CCDC30: variants seen among roughly 807,000 people sequenced by gnomAD.
CCDC30 encodes coiled-coil domain containing 30, also known as coiled-coil domain-containing protein 30.
A neutral mutation model predicts 100.2 loss-of-function variants in CCDC30; 70 were observed. The ratio of observed to expected loss-of-function variants is 0.70; its 90% CI spans 0.58 to 0.85. The LOEUF is 0.85. CCDC30 is among the 40% of genes least tolerant of loss of function. The probability of loss-of-function intolerance (pLI) is 0.00; values close to 1 mark genes in which losing one functional copy is unlikely to be tolerated. For synonymous variants in CCDC30, 233 were observed against 269.5 expected (o/e 0.86, Z 1.33); for missense variants, 652 against 771.2 (o/e 0.85, Z 1.83).
intron 2 of CCDC30, 113 bp downstream of exon 2, chr1:42,480,679 C>G: frequency 1.1e-6 from 1 of 928,196 alleles, no homozygotes; most frequent in Middle Eastern, 5.5e-4. Context: ...ATCCACCAGT[C>G]TCTACAAAGA....
chr1:42,515,298 C>A (rs1644538432), intron 6 of CCDC30, among the ~76,000 whole-genome samples: 1 of 151,986 alleles, frequency 6.6e-6, no homozygotes. Context: ...GGAATATGGC[C>A]CTACTAATAC....
chr1:42,584,517 C>G (rs1330435948), intron 9 of CCDC30, among the ~76,000 whole-genome samples: 1 of 152,112 alleles, frequency 6.6e-6, no homozygotes, highest in African/African-American at 2.4e-5. Context: ...TGCTTAAACC[C>G]AGGAGGCAGA....
intron 6 of CCDC30, among the ~76,000 whole-genome samples, chr1:42,522,987 A>G (rs1001686210): frequency 6.6e-6 from 1 of 151,736 alleles, no homozygotes; most frequent in African/African-American, 2.4e-5. Flanking sequence ...ACACCACTAC[A>G]CCTGGCTAAT....
Position 42,561,773 on chromosome 1 carries a change from A to G in CCDC30, c.457-4523A>G, listed in dbSNP as rs568899180. Among the ~76,000 whole-genome samples the G allele has an allele frequency of 1.4e-4, 21 of 152,360 alleles. 1 individual carries two copies. The highest frequency in any genetic ancestry group is 1.5e-5 in the Non-Finnish European group (1 of 68,034). On this transcript the variant is annotated intron_variant, in intron 6 of 16. Transcript: ENST00000668663. The stretch of plus-strand genomic sequence containing the variant: ...AGCAAAGTCTCAGCATACAAAATCA[A>G]TGTGCAAAAACCACAAGTATTCCTT...
At chr1:42,589,761 C>T in intron 10 of CCDC30, 1 of 243,448 alleles carries the variant, frequency 4.1e-6, no homozygotes, top group Non-Finnish European at 7.8e-6. Context: ...GAAGCCACCT[C>T]CTGCAGCGTC....
chr1:42,641,379 C>A lies in CCDC30; in HGVS notation c.1420-1094C>A, dbSNP rs1232808986. ...AGGTGTGAGCCATGGCACCAGGCAT[C>A]TGACTCTACAAAAAATTTAAAAATT... On this transcript the variant is annotated intron_variant, in intron 12 of 16. Coordinates refer to ENST00000668663, the Ensembl canonical transcript of CCDC30. Among the ~76,000 whole-genome samples, 4 of 151,956 alleles carry A rather than the reference C, an allele frequency of 2.6e-5. No homozygotes were observed. The East Asian group carries it at 7.8e-4, about 30-fold the overall frequency.
intron 6 of CCDC30, chr1:42,500,251 G>T (rs534714840): frequency 1.2e-6 from 2 of 1,608,980 alleles, no homozygotes; most frequent in East Asian, 4.5e-5. Context: ...TTCTTTGGAA[G>T]GCAGTGGATT....
intron 6 of CCDC30, among the ~76,000 whole-genome samples, chr1:42,541,991 A>G (rs1018973772): frequency 1.3e-5 from 2 of 152,244 alleles, no homozygotes; most frequent in Non-Finnish European, 2.9e-5. Context: ...GCCAAGTTAC[A>G]TGGTGATTCT....
intron 7 of CCDC30, among the ~76,000 whole-genome samples, chr1:42,567,006 C>T (rs1292185500): frequency 6.6e-6 from 1 of 152,110 alleles, no homozygotes. Flanking sequence ...AATTAACCTC[C>T]GTGTAAAATA....
rs186096023 is a variant in CCDC30 at position 42,559,476 on chromosome 1, A to G, written c.457-6820A>G. On this transcript the variant is annotated intron_variant, in intron 6 of 16. Coordinates refer to ENST00000668663, the Ensembl canonical transcript of CCDC30. ...ATACAAAGCAAATGGAAAGCAAAAA[A>G]AAGCAGGGGTTGCAATCCTAGTCTC... 3.0e-3 allele frequency among the ~76,000 whole-genome samples: 463 copies of G among 152,312 alleles called. 7 individuals carry two copies. The highest frequency in any genetic ancestry group is 0.011 in the African/African-American group (439 of 41,580).
At chr1:42,637,138 T>A (rs1212429903) in intron 11 of CCDC30, 99 bp from the exon 16 acceptor site, 1 of 943,910 alleles carries the variant, frequency 1.1e-6, no homozygotes, top group Non-Finnish European at 1.6e-6. Flanking sequence ...GTTCCCTGAC[T>A]TAAGCAAGAA....
rs537669207 is a variant in CCDC30 at position 42,465,244 on chromosome 1, G to C, written c.-92+1346G>C. ...GAGGATCACTTGATCCTGGGAGATC[G>C]AGGCTGCAGTGAGCTATGATCGCAC... On this transcript the variant is annotated intron_variant, in intron 1 of 16. Transcript: ENST00000668663. 9.2e-5 allele frequency among the ~76,000 whole-genome samples: 14 copies of C among 152,304 alleles called. 1 individual carries two copies. Among genetic ancestry groups the C allele is most frequent in the African/African-American group, 3.4e-4 (14 of 41,572 alleles).
At chr1:42,467,048 G>C (rs995877083) in intron 1 of CCDC30, among the ~76,000 whole-genome samples, 1 of 152,176 alleles carries the variant, frequency 6.6e-6, no homozygotes, top group Non-Finnish European at 1.5e-5. Context: ...AGAGTGACCT[G>C]AATGTCAAAA....
At chr1:42,577,875 C>G (rs865997810) in intron 8 of CCDC30, among the ~76,000 whole-genome samples, 5 of 152,026 alleles carry the variant, frequency 3.3e-5, no homozygotes, top group Non-Finnish European at 7.4e-5. Context: ...CTTCTGACCT[C>G]GTGATCCACC....
chr1:42,578,515 C>G (rs1645890678), intron 8 of CCDC30, among the ~76,000 whole-genome samples: 1 of 152,002 alleles, frequency 6.6e-6, no homozygotes, highest in Non-Finnish European at 1.5e-5. Flanking sequence ...GTTACTTTAC[C>G]ATATGGATGT....
At chr1:42,594,369 C>T (rs1035285808) in intron 10 of CCDC30, 1 of 152,082 alleles carries the variant, frequency 6.6e-6, no homozygotes, top group Non-Finnish European at 1.5e-5. Flanking sequence ...TTTTAATTAG[C>T]TGGGCCTGAT....
intron 1 of CCDC30, 98 bp downstream of exon 1, chr1:42,463,996 A>C (rs1166383251): frequency 6.6e-6 from 1 of 152,108 alleles, no homozygotes; most frequent in Non-Finnish European, 1.5e-5. Flanking sequence ...AGCCATTTTA[A>C]CTTTTCCCTG....
At chr1:42,652,496 A>G in intron 15 of CCDC30, among the ~76,000 whole-genome samples, 1 of 152,320 alleles carries the variant, frequency 6.6e-6, no homozygotes, top group Middle Eastern at 3.4e-3. Flanking sequence ...ATTCAATAGT[A>G]TAAATAAAAA....
intron 3 of CCDC30, among the ~76,000 whole-genome samples, chr1:42,486,218 C>T (rs1644048228): frequency 6.6e-6 from 1 of 152,158 alleles, no homozygotes; most frequent in Admixed American, 6.5e-5. Context: ...TTAGAAACAA[C>T]CCAACTGTCT....
Sources: allele counts gnomAD v4.1 joint callset (sites outside exome capture counted in the v4.1 genomes callset), GRCh38; gene constraint gnomAD v4.1.1; transcripts MANE v1.5; gene names NCBI Gene and HGNC (gene_info 2026-07-23, HGNC 2026-07-21).